PDS5B: variants seen among roughly 807,000 people sequenced by gnomAD.
PDS5B encodes the protein sister chromatid cohesion protein PDS5 homolog B.
Under a neutral mutation model 184.1 loss-of-function variants are expected in PDS5B, and 51 were observed. That is an observed-to-expected ratio of 0.28 (90% CI 0.22 to 0.35). PDS5B has a LOEUF of 0.35. Ranked by LOEUF, PDS5B falls within the 10% of genes least tolerant of loss-of-function variation. The pLI, the probability that PDS5B is intolerant of heterozygous loss-of-function variation, is 1.00. For synonymous variants in PDS5B, 566 were observed against 569.2 expected (o/e 0.99, Z 0.08); for missense variants, 1,180 against 1,723.3 (o/e 0.68, Z 5.58).
At chr13:32,672,729 T>C (rs957983477) in intron 7 of PDS5B, among the ~76,000 whole-genome samples, 4 of 152,174 alleles carry the variant, frequency 2.6e-5, no homozygotes, top group Non-Finnish European at 5.9e-5. Flanking sequence ...CTTTGCCTTT[T>C]TGTTCTATTG....
At chr13:32,701,969 A>C (rs768568668) in intron 17 of PDS5B, among the ~76,000 whole-genome samples, 1 of 152,002 alleles carries the variant, frequency 6.6e-6, no homozygotes, top group Non-Finnish European at 1.5e-5. Flanking sequence ...ATTTCTTTTT[A>C]TCTCTGCATT....
intron 1 of PDS5B, among the ~76,000 whole-genome samples, chr13:32,626,610 G>T (rs201855761): frequency 6.7e-6 from 1 of 148,320 alleles, no homozygotes; most frequent in African/African-American, 2.5e-5. Flanking sequence ...CAGTCTTGCT[G>T]TTTTTTTTTT....
intron 10 of PDS5B, among the ~76,000 whole-genome samples, chr13:32,681,018 G>A (rs766607970): frequency 2.6e-5 from 4 of 152,124 alleles, no homozygotes; most frequent in South Asian, 2.1e-4. Context: ...TACATAGGCC[G>A]CAAAGGATTT....
chr13:32,676,973 T>A lies in PDS5B; in HGVS notation c.962+1014T>A, dbSNP rs190842989. On this transcript the variant is annotated intron_variant, in intron 9 of 34. Coordinates refer to ENST00000315596, the MANE Select transcript of PDS5B (RefSeq NM_015032.4). ...AAAAAAAAAGATTTAAAGGCCCTGA[T>A]TTTATATTCTTTGTGTTGAAATATT... Among the ~76,000 whole-genome samples the A allele has an allele frequency of 1.7e-4, 26 of 151,724 alleles. 2 individuals are homozygous for A. The highest frequency in any genetic ancestry group is 6.1e-4 in the African/African-American group (25 of 41,310).
Position 32,775,097 on chromosome 13 carries a change from C to CTTTTTTTTTTTTTTTTTTTTTT in PDS5B, c.*60_*61insTTTTTTTTTTTTTTTTTTTTTT. On this transcript the variant is annotated 3_prime_UTR_variant, in exon 35 of 35. Coordinates refer to ENST00000315596, the MANE Select transcript of PDS5B (RefSeq NM_015032.4). ...TTCTCTGTGAAAGCTTTGGAAAAAT[C>CTTTTTTTTTTTTTTTTTTTTTT]TTTTTTTTTTTTTTTGGTCAAGCTT... The CTTTTTTTTTTTTTTTTTTTTTT allele has an allele frequency of 1.5e-6, 1 of 672,008 alleles. No individual in the cohort carries two copies. Among genetic ancestry groups the CTTTTTTTTTTTTTTTTTTTTTT allele is most frequent in the Non-Finnish European group, 2.1e-6 (1 of 467,412 alleles). The allele number at this position is 672,008 out of a possible 1,614,324, so 41.6% of individuals were successfully genotyped here.
chr13:32,602,138 A>G (rs1005788465), intron 1 of PDS5B, among the ~76,000 whole-genome samples: 2 of 152,056 alleles, frequency 1.3e-5, no homozygotes, highest in South Asian at 4.1e-4. Flanking sequence ...ACATGTGCAC[A>G]GCGTGCAGGT....
chr13:32,734,574 A>T (rs1431171979), intron 20 of PDS5B, among the ~76,000 whole-genome samples: 2 of 152,196 alleles, frequency 1.3e-5, no homozygotes, highest in Admixed American at 1.3e-4. Context: ...ATGACCCTCT[A>T]ATCAGTGGCT....
intron 19 of PDS5B, among the ~76,000 whole-genome samples, chr13:32,730,738 C>T (rs1953085131): frequency 6.7e-6 from 1 of 149,030 alleles, no homozygotes; most frequent in Non-Finnish European, 1.5e-5. Context: ...CATGATTTGG[C>T]TCTCTGTTTG....
At chr13:32,628,584 C>T (rs1485485454) in intron 1 of PDS5B, among the ~76,000 whole-genome samples, 4 of 151,082 alleles carry the variant, frequency 2.6e-5, no homozygotes, top group Admixed American at 2.6e-4. Flanking sequence ...TCTATACTTC[C>T]CATTAATTTA....
Position 32,741,013 on chromosome 13 carries a change from A to AATGAAAT in PDS5B, c.2407-65_2407-64insGAAATAT. The AATGAAAT allele has an allele frequency of 3.3e-6, 3 of 899,226 alleles. No individual in the cohort carries two copies. In the South Asian group the frequency reaches 4.3e-5, roughly 13 times the overall value. The allele number at this position is 899,226 out of a possible 1,614,324, so 55.7% of individuals were successfully genotyped here. A position where few individuals can be genotyped will look rare whatever the true frequency, so the allele number is the denominator to read the frequency against. ...AGATTTCATTCATTTTCTAAGTGCT[A>AATGAAAT]ATTGAAAAGAATTCATATTTACATT... On this transcript the variant is annotated intron_variant, in intron 21 of 34. Coordinates refer to ENST00000315596, the MANE Select transcript of PDS5B (RefSeq NM_015032.4).
At chr13:32,685,572 C>T (rs1951362805) in intron 11 of PDS5B, among the ~76,000 whole-genome samples, 1 of 152,150 alleles carries the variant, frequency 6.6e-6, no homozygotes, top group Admixed American at 6.5e-5. Flanking sequence ...TTTAAATTCT[C>T]TTTGAAGAAG....
At chr13:32,747,454 T>G (rs1362242255) in intron 24 of PDS5B, among the ~76,000 whole-genome samples, 1 of 152,114 alleles carries the variant, frequency 6.6e-6, no homozygotes, top group African/African-American at 2.4e-5. Context: ...CTTCAGTCTT[T>G]TAAAAACAGC....
At position 32,758,070 on chromosome 13, in the gene PDS5B, CTTTTTTT is replaced by C; in HGVS notation, c.3057-9_3057-3del. ...GATTTTCTTCTATATTTCTTTTTTC[CTTTTTTT>C]TTTTTTTAGATGTCTTTGGTTTGTT... On this transcript the variant is annotated splice_polypyrimidine_tract_variant and intron_variant, in intron 26 of 34. Transcript: ENST00000315596. 1 of 930,840 alleles carries C rather than the reference CTTTTTTT, an allele frequency of 1.1e-6. No homozygotes were observed. Among genetic ancestry groups the C allele is most frequent in the Non-Finnish European group, 1.4e-6 (1 of 690,300 alleles). The allele number at this position is 930,840 out of a possible 1,614,324, so 57.7% of individuals were successfully genotyped here.
chr13:32,685,154 G>A (rs1951350116), intron 11 of PDS5B, among the ~76,000 whole-genome samples: 1 of 152,160 alleles, frequency 6.6e-6, no homozygotes, highest in African/African-American at 2.4e-5. Context: ...CATCTCCCTT[G>A]TTTAATACTC....
chr13:32,622,453 AC>A (rs2058315240), intron 1 of PDS5B, among the ~76,000 whole-genome samples: 1 of 152,164 alleles, frequency 6.6e-6, no homozygotes, highest in African/African-American at 2.4e-5. Flanking sequence ...TGGGTTAAGT[AC>A]CAGATTGTCA....
chr13:32,588,547 C>CT (rs2057726494), intron 1 of PDS5B, among the ~76,000 whole-genome samples: 1 of 152,038 alleles, frequency 6.6e-6, no homozygotes, highest in African/African-American at 2.4e-5. Flanking sequence ...TTGTCTTGGC[C>CT]TTTTTTCTTT....
chr13:32,752,431 C>G (rs1954018826), intron 24 of PDS5B, among the ~76,000 whole-genome samples: 1 of 152,180 alleles, frequency 6.6e-6, no homozygotes. Context: ...TTCAGAAAAA[C>G]TTCTGATCAT....
intron 6 of PDS5B, among the ~76,000 whole-genome samples, chr13:32,666,330 C>G (rs1329096256): frequency 6.6e-6 from 1 of 152,182 alleles, no homozygotes; most frequent in East Asian, 1.9e-4. Context: ...CCACCTGCCT[C>G]TGCCTCCCAA....
chr13:32,614,102 C>T lies in PDS5B; in HGVS notation c.-20+27509C>T, dbSNP rs566824486. On this transcript the variant is annotated intron_variant, in intron 1 of 34. Coordinates refer to ENST00000315596, the MANE Select transcript of PDS5B (RefSeq NM_015032.4). ...TTCCATTGGTGTATATCTCATTGTGCCAGTGCTGTACTGTCTTAGTTAATG... is the reference window on the plus strand; with the variant it reads ...TTCCATTGGTGTATATCTCATTGTGTCAGTGCTGTACTGTCTTAGTTAATG... 3.9e-5 allele frequency among the ~76,000 whole-genome samples: 6 copies of T among 152,086 alleles called. No individual in the cohort carries two copies. In the South Asian group the frequency reaches 1.2e-3, roughly 32 times the overall value.
Sources: gnomAD v4.1 joint callset for allele counts (sites outside exome capture counted in the v4.1 genomes callset) on GRCh38, gnomAD v4.1.1 for gene constraint, MANE v1.5 for transcripts, NCBI Gene and HGNC (gene_info 2026-07-23, HGNC 2026-07-21) for gene names.